The following NDUFS5 variants were observed in gnomAD, a reference collection of about 807,000 sequenced individuals.
NDUFS5 encodes the protein NADH:ubiquinone oxidoreductase subunit S5, also known as NADH dehydrogenase [ubiquinone] iron-sulfur protein 5.
Under a neutral mutation model 10.5 loss-of-function variants are expected in NDUFS5, and 7 were observed. That is an observed-to-expected ratio of 0.66 (90% CI 0.38 to 1.25). The LOEUF (loss-of-function observed/expected upper bound fraction) is 1.25. Ranked by LOEUF, NDUFS5 falls within the 50% of genes most tolerant of loss-of-function variation. NDUFS5 has a pLI of 0.02. For missense variants in NDUFS5, 148 were observed against 140.7 expected (o/e 1.05, Z -0.26); for synonymous variants, 38 against 44.0 (o/e 0.86, Z 0.54).
intron 2 of NDUFS5, among the ~76,000 whole-genome samples, chr1:39,032,601 CA>C (rs11347725): frequency 0.75 from 111,804 of 149,168 alleles, 42,712 homozygotes; most frequent in Non-Finnish European, 0.85. Flanking sequence ...AGCAAAACAG[CA>C]AAAAAAAAAA....
rs768559616 is a variant in NDUFS5, at chr1:39,034,472, T to G, written c.297T>G (p.Ile99Met). The G allele has an allele frequency of 3.1e-6, 5 of 1,613,420 alleles. No homozygotes were observed. In the African/African-American group the frequency reaches 6.7e-5, roughly 22 times the overall value. ...EGKYTPPPHH[I>M]GKGEPRP Reference sequence around the variant, plus strand: ...AGTACACCCCTCCACCTCACCACATTGGCAAGGGGGAGCCTCGGCCCTGAA... The same window carrying G: ...AGTACACCCCTCCACCTCACCACATGGGCAAGGGGGAGCCTCGGCCCTGAA... The change falls in exon 3 of 3, where the codon ATT becomes ATG. Residue 99 changes from isoleucine (I) to methionine (M), a missense_variant. Ile to Met is a conservative substitution (Grantham distance 10). Coordinates refer to ENST00000372969, the MANE Select transcript of NDUFS5 (RefSeq NM_004552.3).
intron 2 of NDUFS5, among the ~76,000 whole-genome samples, chr1:39,032,616 TCA>T (rs1406037940): frequency 2.6e-5 from 4 of 151,084 alleles, no homozygotes; most frequent in African/African-American, 9.7e-5. Context: ...AAAAAAAATC[TCA>T]GAGTCAGTGA....
chr1:39,028,746 A>G lies in NDUFS5; in HGVS notation c.22A>G (p.Lys8Glu). ...AGCCATGCCTTTCTTGGACATCCAG[A>G]AAAGGTTCGGCCTTAACATAGATCG... MPFLDIQ[K>E]RFGLNIDRWL... Residue 8 changes from lysine to glutamate, a missense_variant, in exon 2 of 3, where the codon AAA becomes GAA. Coordinates refer to ENST00000372969, the MANE Select transcript of NDUFS5 (RefSeq NM_004552.3). The G allele has an allele frequency of 6.2e-7, 1 of 1,614,092 alleles. No homozygotes were observed. The highest frequency in any genetic ancestry group is 8.5e-7 in the Non-Finnish European group (1 of 1,179,996).
intron 1 of NDUFS5, among the ~76,000 whole-genome samples, chr1:39,028,111 C>T (rs576912620): frequency 1.4e-5 from 2 of 145,612 alleles, no homozygotes; most frequent in East Asian, 2.1e-4. Context: ...TGAGCCACCG[C>T]GCCTGGCCCA....
rs575244964 is a variant in NDUFS5, at chr1:39,032,233, T to C, written c.217-2159T>C. 1.4e-4 allele frequency among the ~76,000 whole-genome samples: 21 copies of C among 152,310 alleles called. No individual in the cohort carries two copies. The East Asian group carries it at 4.0e-3, about 29-fold the overall frequency. ...GTTAAGGACATTGCTTGAACTTACA[T>C]AGCTAGTAAATGGTGGAGCTGGGAT... On this transcript the variant is annotated intron_variant, in intron 2 of 2. Coordinates refer to ENST00000372969, the MANE Select transcript of NDUFS5 (RefSeq NM_004552.3).
chr1:39,034,335 T>G, intron 2 of NDUFS5, 57 bp from the exon 3 acceptor site: 2 of 1,544,162 alleles, frequency 1.3e-6, no homozygotes, highest in Middle Eastern at 1.7e-4. Flanking sequence ...TTTTTCCAGT[T>G]CTCACTTTTT....
intron 1 of NDUFS5, among the ~76,000 whole-genome samples, chr1:39,027,596 T>TTTTTTTTTTTTTTTG (rs1570989710): frequency 6.9e-6 from 1 of 144,658 alleles, no homozygotes; most frequent in Non-Finnish European, 1.5e-5. Context: ...TTTTTTTTTT[T>TTTTTTTTTTTTTTTG]GAGACAGGAT....
chr1:39,028,119 C>T (rs1056775359), intron 1 of NDUFS5, among the ~76,000 whole-genome samples: 4 of 145,076 alleles, frequency 2.8e-5, no homozygotes, highest in Non-Finnish European at 4.6e-5. Context: ...CGCGCCTGGC[C>T]CACAAGTGGC....
At chr1:39,026,588 C>G (rs938001996) in intron 1 of NDUFS5, among the ~76,000 whole-genome samples, 186 bp downstream of exon 1, 3 of 152,210 alleles carry the variant, frequency 2.0e-5, no homozygotes, top group African/African-American at 7.2e-5. Flanking sequence ...GAGATTGCCG[C>G]TCTCTCCACT....
chr1:39,026,797 A>G (rs1644151769), intron 1 of NDUFS5, among the ~76,000 whole-genome samples: 1 of 152,182 alleles, frequency 6.6e-6, no homozygotes, highest in South Asian at 2.1e-4. Flanking sequence ...TTCCGGCTGT[A>G]ACTCCGGGCT....
chr1:39,027,503 T>C (rs2148079787), intron 1 of NDUFS5, among the ~76,000 whole-genome samples: 1 of 151,950 alleles, frequency 6.6e-6, no homozygotes, highest in East Asian at 1.9e-4. Flanking sequence ...AACATTATTA[T>C]GTATTTGCAT....
intron 2 of NDUFS5, among the ~76,000 whole-genome samples, chr1:39,033,349 G>A (rs546431949): frequency 5.3e-5 from 8 of 151,892 alleles, no homozygotes; most frequent in Non-Finnish European, 8.8e-5. Flanking sequence ...CGAGGCTGGC[G>A]GATCACGAGG....
chr1:39,032,361 C>T (rs1051612244), intron 2 of NDUFS5, among the ~76,000 whole-genome samples: 8 of 152,096 alleles, frequency 5.3e-5, no homozygotes, highest in African/African-American at 1.9e-4. Flanking sequence ...AGTTCAAAAC[C>T]ATGACTAGTC....
chr1:39,032,670 A>G (rs74426111), intron 2 of NDUFS5, among the ~76,000 whole-genome samples: 5,656 of 152,234 alleles, frequency 0.037, 318 homozygotes, highest in African/African-American at 0.13. Flanking sequence ...AATAACAAGT[A>G]AAAATACAGG....
In NDUFS5 at chr1:39,033,430, G is replaced by A. The variant is rs542309157; in HGVS notation, c.217-962G>A. 2.0e-3 allele frequency among the ~76,000 whole-genome samples: 308 copies of A among 151,640 alleles called. 3 individuals carry two copies. The highest frequency in any genetic ancestry group is 3.5e-3 in the Non-Finnish European group (235 of 67,816). ...CTACTAAAAATACAAAAAATTAGCCGGGTGTGGTGGCGGGCGCCTGTAGTC... is the reference window on the plus strand; with the variant it reads ...CTACTAAAAATACAAAAAATTAGCCAGGTGTGGTGGCGGGCGCCTGTAGTC... On this transcript the variant is annotated intron_variant, in intron 2 of 2. Coordinates refer to ENST00000372969, the MANE Select transcript of NDUFS5 (RefSeq NM_004552.3).
chr1:39,026,386 G>C lies in NDUFS5; in HGVS notation c.-19G>C, dbSNP rs1335158009. 2.0e-5 allele frequency: 3 copies of C among 152,216 alleles called. No homozygotes were observed. The highest frequency in any genetic ancestry group is 4.4e-5 in the Non-Finnish European group (3 of 68,106). The allele number at this position is 152,216 out of a possible 1,614,324, so 9.4% of individuals were successfully genotyped here. A position where few individuals can be genotyped will look rare whatever the true frequency, so the allele number is the denominator to read the frequency against. On this transcript the variant is annotated 5_prime_UTR_variant, in exon 1 of 3. Transcript: ENST00000372969. ...AGCGGCGGCCAGAGAAGAGTCAAGG[G>C]CACGAGCATCGGGTAGGTAGGGGCT...
In NDUFS5 at chr1:39,034,567, A is replaced by C. The variant is rs977980336; in HGVS notation, c.*71A>C. 13 of 1,257,064 alleles carry C rather than the reference A, an allele frequency of 1.0e-5. No individual in the cohort carries two copies. The highest frequency in any genetic ancestry group is 1.4e-5 in the Non-Finnish European group (12 of 861,212). 77.9% of individuals were successfully genotyped at this position (1,257,064 alleles called of 1,614,324 possible). On this transcript the variant is annotated 3_prime_UTR_variant, in exon 3 of 3. Coordinates refer to ENST00000372969, the MANE Select transcript of NDUFS5 (RefSeq NM_004552.3). Reference sequence around the variant, plus strand: ...TTCTCCACTGGAAAGGTTGTTTACGACAAACCTCCTTGTCAAAGTGTGTAA... The same window carrying C: ...TTCTCCACTGGAAAGGTTGTTTACGCCAAACCTCCTTGTCAAAGTGTGTAA...
intron 2 of NDUFS5, among the ~76,000 whole-genome samples, chr1:39,030,016 G>A (rs955540757): frequency 1.3e-5 from 2 of 152,120 alleles, no homozygotes; most frequent in Admixed American, 6.6e-5. Flanking sequence ...GCTTGAACCC[G>A]GGAGGCGGAG....
intron 1 of NDUFS5, among the ~76,000 whole-genome samples, chr1:39,027,317 C>T (rs1420368627): frequency 6.6e-6 from 1 of 152,164 alleles, no homozygotes; most frequent in Non-Finnish European, 1.5e-5. Context: ...GGTGATCCGC[C>T]CGCCTCGGCC....
Sources: allele counts gnomAD v4.1 joint callset (sites outside exome capture counted in the v4.1 genomes callset), GRCh38; gene constraint gnomAD v4.1.1; transcripts MANE v1.5; gene names NCBI Gene and HGNC (gene_info 2026-07-23, HGNC 2026-07-21).